ARMC10: variants seen among roughly 807,000 people sequenced by gnomAD.
ARMC10 encodes the protein armadillo repeat containing 10, also known as armadillo repeat-containing protein 10.
A neutral mutation model predicts 30.2 loss-of-function variants in ARMC10; 23 were observed. The ratio of observed to expected loss-of-function variants is 0.76; its 90% CI spans 0.55 to 1.08. ARMC10 has a LOEUF of 1.08. Ranked by LOEUF, ARMC10 falls within the 50% of genes least tolerant of loss-of-function variation. ARMC10 has a pLI of 0.00. For synonymous variants in ARMC10, 111 were observed against 164.4 expected (o/e 0.68, Z 2.48); for missense variants, 303 against 413.7 (o/e 0.73, Z 2.32).
intron 4 of ARMC10, chr7:103,088,772 C>A: frequency 5.4e-6 from 1 of 183,632 alleles, no homozygotes; most frequent in South Asian, 1.3e-4. Flanking sequence ...AGGTTTCAGC[C>A]AACCAATTTC....
chr7:103,086,338 G>T (rs1800849331), intron 3 of ARMC10, among the ~76,000 whole-genome samples: 2 of 152,026 alleles, frequency 1.3e-5, no homozygotes, highest in South Asian at 2.1e-4. Flanking sequence ...AATTTTATTT[G>T]TAAGTTGCTT....
In ARMC10 at chr7:103,083,814, C is replaced by A. The variant is rs752412153; in HGVS notation, c.377C>A (p.Ala126Asp). The part of the protein sequence containing the change: ...RALITLGNNA[A>D]FSVNQAIIRE... ...TTGATTACTTTGGGTAACAATGCAG[C>A]CTTTTCAGTTAACCAAGTAAGTACC... Residue 126 changes from alanine to aspartate, a missense_variant, in exon 3 of 7, where the codon GCC (alanine) becomes GAC (aspartate). This residue lies in a region of ARMC10 where 170 missense variants were observed against 207.2 expected (regional missense o/e 0.82). Coordinates refer to ENST00000323716, the MANE Select transcript of ARMC10 (RefSeq NM_031905.5). 4 of 1,613,830 alleles carry A rather than the reference C, an allele frequency of 2.5e-6. No homozygotes were observed. Among genetic ancestry groups the A allele is most frequent in the Admixed American group, 1.7e-5 (1 of 59,898 alleles).
chr7:103,087,918 T>A, intron 4 of ARMC10: 1 of 307,798 alleles, frequency 3.2e-6, no homozygotes, highest in Non-Finnish European at 4.7e-6. Flanking sequence ...ATCAAATTGG[T>A]GAGCTTATTA....
intron 4 of ARMC10, among the ~76,000 whole-genome samples, chr7:103,090,388 G>T (rs372132420): frequency 3.7e-4 from 56 of 152,196 alleles, no homozygotes; most frequent in Non-Finnish European, 6.8e-4. Flanking sequence ...AGGGCCAGGC[G>T]TGGTGGCTCA....
chr7:103,097,123 G>T, intron 5 of ARMC10, 154 bp from the exon 6 acceptor site: 1 of 657,536 alleles, frequency 1.5e-6, no homozygotes, highest in South Asian at 1.8e-5. Flanking sequence ...AAAGTAGAAT[G>T]AACGGAGAAG....
At chr7:103,082,727 C>G (rs903189307) in intron 2 of ARMC10, among the ~76,000 whole-genome samples, 1 of 152,162 alleles carries the variant, frequency 6.6e-6, no homozygotes, top group African/African-American at 2.4e-5. Context: ...CCCCTCCCCC[C>G]ACCACCCCAG....
At chr7:103,078,005 T>C (rs543393456) in intron 2 of ARMC10, among the ~76,000 whole-genome samples, 84 of 151,748 alleles carry the variant, frequency 5.5e-4, no homozygotes, top group African/African-American at 2.0e-3. Context: ...CATCTTTTTC[T>C]TTTTTTTTGA....
In ARMC10 at chr7:103,098,777, A is replaced by G. The variant is rs1801996184; in HGVS notation, c.*224A>G. 3.1e-5 allele frequency: 14 copies of G among 453,510 alleles called. No individual in the cohort carries two copies. The highest frequency in any genetic ancestry group is 5.2e-5 in the Non-Finnish European group (14 of 270,094). The allele number at this position is 453,510 out of a possible 1,614,324, so 28.1% of individuals were successfully genotyped here. On this transcript the variant is annotated 3_prime_UTR_variant, in exon 7 of 7. Coordinates refer to ENST00000323716, the MANE Select transcript of ARMC10 (RefSeq NM_031905.5). ...ACCATTTATTTCTTTCTATTTTGCT[A>G]TTTGCAAATGCTTGTTATCTTCCCT...
intron 5 of ARMC10, 122 bp from the exon 6 acceptor site, chr7:103,097,155 T>C (rs930956810): frequency 2.5e-6 from 2 of 790,510 alleles, no homozygotes; most frequent in African/African-American, 3.5e-5. Flanking sequence ...TAGAGAGAAT[T>C]TGAGCCAGGC....
Position 103,086,617 on chromosome 7 carries a change from T to C in ARMC10, c.394-13T>C. 1 of 1,580,684 alleles carries C rather than the reference T, an allele frequency of 6.3e-7. No individual in the cohort carries two copies. The highest frequency in any genetic ancestry group is 8.5e-7 in the Non-Finnish European group (1 of 1,171,848). On this transcript the variant is annotated splice_polypyrimidine_tract_variant and intron_variant, in intron 3 of 6. Transcript: ENST00000323716. Reference sequence around the variant, plus strand: ...GTCCCAGTCCTGCTTTTTTTTTTTTTTTCCCCTCGTAGGCTATTATTCGTG... The same window carrying C: ...GTCCCAGTCCTGCTTTTTTTTTTTTCTTCCCCTCGTAGGCTATTATTCGTG...
rs1799687883 is a variant in ARMC10 at position 103,075,696 on chromosome 7, C to T, written c.140-81C>T. On this transcript the variant is annotated intron_variant, in intron 1 of 6. Transcript: ENST00000323716. ...TCTCATTTTAAAGCTTGCTCCGGGC[C>T]TTTGTGTAACTAAAGGGATTCTCCC... The T allele has an allele frequency of 9.2e-6, 10 of 1,090,290 alleles. No individual in the cohort carries two copies. In the South Asian group the frequency reaches 1.1e-4, roughly 12 times the overall value. 67.5% of individuals were successfully genotyped at this position (1,090,290 alleles called of 1,614,324 possible).
chr7:103,093,337 T>G (rs187003866), intron 5 of ARMC10, among the ~76,000 whole-genome samples: 1 of 152,318 alleles, frequency 6.6e-6, no homozygotes, highest in African/African-American at 2.4e-5. Flanking sequence ...GAGAGACAAA[T>G]GCATAAGCAT....
Position 103,075,889 on chromosome 7 carries a change from T to C in ARMC10, c.244+8T>C, listed in dbSNP as rs746516915. On this transcript the variant is annotated splice_region_variant and intron_variant, in intron 2 of 6. Transcript: ENST00000323716. ...CCAAGACCTCGCAGCCTGGTGTGTG[T>C]TTTGGAAATGGGAACAGTTGTCTGC... The C allele has an allele frequency of 6.3e-7, 1 of 1,579,998 alleles. No homozygotes were observed. Among genetic ancestry groups the C allele is most frequent in the Non-Finnish European group, 8.6e-7 (1 of 1,161,438 alleles).
chr7:103,078,039 A>G (rs1243747665), intron 2 of ARMC10, among the ~76,000 whole-genome samples: 2 of 152,034 alleles, frequency 1.3e-5, no homozygotes, highest in African/African-American at 2.4e-5. Flanking sequence ...TCTGTCTCCC[A>G]GGCTGGAGTG....
In ARMC10 at chr7:103,092,472, T is replaced by C; in HGVS notation, c.529-5T>C. 6.4e-7 allele frequency: 1 copy of C among 1,556,784 alleles called. No individual in the cohort carries two copies. Among genetic ancestry groups the C allele is most frequent in the Non-Finnish European group, 8.8e-7 (1 of 1,139,700 alleles). On this transcript the variant is annotated splice_region_variant and splice_polypyrimidine_tract_variant and intron_variant, in intron 4 of 6. Coordinates refer to ENST00000323716, the MANE Select transcript of ARMC10 (RefSeq NM_031905.5). The stretch of plus-strand genomic sequence containing the variant: ...AAGATGCTCATTTTCCTCCCCTGCC[T>C]TCAGATATACATCAGTCAAGTATGT...
At position 103,075,870 on chromosome 7, in the gene ARMC10, C is replaced by T. The variant is rs778606004; in HGVS notation, c.233C>T (p.Thr78Ile). ...GGTWESQWSKTSQPEDLTDGS... is the reference protein window; with the variant it reads ...GGTWESQWSKISQPEDLTDGS... ...ACCTGGGAGTCACAGTGGTCCAAGACCTCGCAGCCTGGTGTGTGTTTTGGA... is the reference window on the plus strand; with the variant it reads ...ACCTGGGAGTCACAGTGGTCCAAGATCTCGCAGCCTGGTGTGTGTTTTGGA... Residue 78 changes from threonine (T) to isoleucine (I), a missense_variant, in exon 2 of 7, where the codon ACC becomes ATC. Thr to Ile is a moderately conservative substitution (Grantham distance 89). Around this residue, in one of 4 missense-constraint regions of ARMC10, gnomAD observed 96 missense variants for 84.2 expected, o/e 1.14. Coordinates refer to ENST00000323716, the MANE Select transcript of ARMC10 (RefSeq NM_031905.5). 15 of 1,601,044 alleles carry T rather than the reference C, an allele frequency of 9.4e-6. No homozygotes were observed. In the East Asian group the frequency reaches 2.7e-4, roughly 29 times the overall value.
At chr7:103,091,335 G>GA (rs575551039) in intron 4 of ARMC10, among the ~76,000 whole-genome samples, 108 of 152,092 alleles carry the variant, frequency 7.1e-4, no homozygotes, top group African/African-American at 2.5e-3. Flanking sequence ...TGTCCCCCCG[G>GA]AAAAAAAGAA....
At chr7:103,088,503 CATAAA>C (rs1236502524) in intron 4 of ARMC10, among the ~76,000 whole-genome samples, 1 of 152,048 alleles carries the variant, frequency 6.6e-6, no homozygotes, top group African/African-American at 2.4e-5. Flanking sequence ...TATTGCCAGC[CATAAA>C]ATAAATTTTA....
At chr7:103,096,399 C>T (rs924695547) in intron 5 of ARMC10, 1 of 152,072 alleles carries the variant, frequency 6.6e-6, no homozygotes, top group African/African-American at 2.4e-5. Flanking sequence ...AAAACACTTT[C>T]ACATTAAAAG....
Sources: allele counts gnomAD v4.1 joint callset (sites outside exome capture counted in the v4.1 genomes callset), GRCh38; gene constraint gnomAD v4.1.1; regional missense constraint gnomAD v4.1.1; transcripts MANE v1.5; gene names NCBI Gene and HGNC (gene_info 2026-07-23, HGNC 2026-07-21).